Variants in FRMD4B observed in about 807,000 individuals in gnomAD.
FRMD4B encodes the protein FERM domain containing 4B, also known as FERM domain-containing protein 4B.
FRMD4B carries 74 observed loss-of-function variants against 141.5 expected under a neutral mutation model. The observed-to-expected ratio is 0.52, with a 90% CI of 0.43 to 0.63. The LOEUF (loss-of-function observed/expected upper bound fraction) is 0.63. Among genes scored for constraint, FRMD4B ranks in the 30% least tolerant of loss-of-function variants. The pLI is 0.00. For synonymous variants in FRMD4B, 506 were observed against 467.9 expected (o/e 1.08, Z -1.05); for missense variants, 1,366 against 1,253.4 (o/e 1.09, Z -1.36).
At chr3:69,534,794 CA>C (rs1701058513) in intron 1 of FRMD4B, among the ~76,000 whole-genome samples, 1 of 152,202 alleles carries the variant, frequency 6.6e-6, no homozygotes, top group Admixed American at 6.5e-5. Context: ...TTGTTAATTT[CA>C]TTAAATCTCA....
intron 20 of FRMD4B, among the ~76,000 whole-genome samples, chr3:69,182,211 G>A (rs2092715783): frequency 6.6e-6 from 1 of 152,074 alleles, no homozygotes; most frequent in Non-Finnish European, 1.5e-5. Context: ...TGTAAGATGA[G>A]GATGAAAACA....
chr3:69,248,261 A>AC (rs58593229), intron 7 of FRMD4B, among the ~76,000 whole-genome samples: 2 of 151,718 alleles, frequency 1.3e-5, no homozygotes, highest in African/African-American at 4.8e-5. Context: ...ACACACACAC[A>AC]AATATATATA....
At chr3:69,473,313 C>G (rs1447112977) in intron 1 of FRMD4B, among the ~76,000 whole-genome samples, 1 of 152,132 alleles carries the variant, frequency 6.6e-6, no homozygotes, top group East Asian at 1.9e-4. Flanking sequence ...GCTCTGTCCA[C>G]TCTACCAAGT....
At chr3:69,307,417 T>G (rs575821405) in intron 3 of FRMD4B, among the ~76,000 whole-genome samples, 1 of 152,250 alleles carries the variant, frequency 6.6e-6, no homozygotes, top group South Asian at 2.1e-4. Context: ...CTCGGTTCAC[T>G]GCAACCTCCA....
At chr3:69,523,975 C>T (rs2107137659) in intron 1 of FRMD4B, among the ~76,000 whole-genome samples, 1 of 152,264 alleles carries the variant, frequency 6.6e-6, no homozygotes, top group East Asian at 1.9e-4. Flanking sequence ...ATCCTTTGCC[C>T]CAACTAACTG....
At chr3:69,298,572 T>G (rs1390942329) in intron 4 of FRMD4B, among the ~76,000 whole-genome samples, 1 of 152,212 alleles carries the variant, frequency 6.6e-6, no homozygotes, top group Non-Finnish European at 1.5e-5. Flanking sequence ...CTCCCTTTTA[T>G]AGGTTCTCTC....
chr3:69,527,339 G>A (rs953762426), intron 1 of FRMD4B, among the ~76,000 whole-genome samples: 3 of 152,094 alleles, frequency 2.0e-5, no homozygotes, highest in South Asian at 2.1e-4. Context: ...GAGCCCTTCC[G>A]GGGTGGAGCG....
intron 7 of FRMD4B, among the ~76,000 whole-genome samples, chr3:69,239,985 G>A (rs1170940676): frequency 2.6e-5 from 4 of 151,724 alleles, no homozygotes; most frequent in Admixed American, 2.0e-4. Context: ...CCCAAGAGGC[G>A]GAGGTTGCAG....
chr3:69,206,326 G>A (rs879722147), intron 11 of FRMD4B, among the ~76,000 whole-genome samples: 7 of 152,096 alleles, frequency 4.6e-5, no homozygotes, highest in Non-Finnish European at 1.0e-4. Context: ...CTCCAGCCTG[G>A]GCGACAGAGT....
chr3:69,302,403 C>T lies in FRMD4B; in HGVS notation c.356G>A (p.Arg119Gln), dbSNP rs370199811. Reference sequence around the variant, plus strand: ...CTTGGGCAAATCGTGGTCAAGAACTCGGTGATCTAACTGCAGCCAGTTCTG... The same window carrying T: ...CTTGGGCAAATCGTGGTCAAGAACTTGGTGATCTAACTGCAGCCAGTTCTG... ...GQQNWLQLDH[R>Q]VLDHDLPKKP... is the part of the protein sequence containing the mutation. The change falls in exon 4 of 23, where the codon CGA (arginine) becomes CAA (glutamine). Residue 119 changes from arginine (R) to glutamine (Q), a missense_variant. Transcript: ENST00000398540. 8.6e-5 allele frequency: 138 copies of T among 1,607,076 alleles called. No individual in the cohort carries two copies. Among genetic ancestry groups the T allele is most frequent in the Non-Finnish European group, 1.1e-4 (131 of 1,175,862 alleles).
intron 3 of FRMD4B, among the ~76,000 whole-genome samples, chr3:69,309,987 C>T (rs571756118): frequency 1.3e-5 from 2 of 152,230 alleles, no homozygotes; most frequent in East Asian, 1.9e-4. Flanking sequence ...CTATGCATGT[C>T]GGCATTTCCC....
At chr3:69,378,010 G>A (rs1184413864) in intron 1 of FRMD4B, among the ~76,000 whole-genome samples, 3 of 146,594 alleles carry the variant, frequency 2.0e-5, no homozygotes, top group Non-Finnish European at 4.5e-5. Context: ...TAGTAGAGAT[G>A]GGGTTTTGCC....
intron 5 of FRMD4B, among the ~76,000 whole-genome samples, chr3:69,283,975 C>T (rs61532383): frequency 4.1e-5 from 6 of 147,374 alleles, no homozygotes; most frequent in African/African-American, 1.5e-4. Context: ...CAAAACAAAA[C>T]AAAAAAAACA....
chr3:69,195,576 C>T (rs888891399), intron 14 of FRMD4B, among the ~76,000 whole-genome samples: 1 of 152,068 alleles, frequency 6.6e-6, no homozygotes, highest in Non-Finnish European at 1.5e-5. Context: ...CTTTTTGCAT[C>T]CTGGCTCAGT....
At chr3:69,332,567 C>G (rs950416752) in intron 1 of FRMD4B, among the ~76,000 whole-genome samples, 1 of 151,880 alleles carries the variant, frequency 6.6e-6, no homozygotes, top group African/African-American at 2.4e-5. Flanking sequence ...ATGGGAGTTC[C>G]TTTCTTTTCT....
intron 4 of FRMD4B, among the ~76,000 whole-genome samples, chr3:69,291,883 A>G (rs1011827825): frequency 6.8e-6 from 1 of 146,708 alleles, no homozygotes; most frequent in Non-Finnish European, 1.5e-5. Flanking sequence ...CATGCTAGGG[A>G]TAATACAAAG....
At chr3:69,194,874 GAA>G (rs2092882180) in intron 16 of FRMD4B, 146 bp downstream of exon 16, 1 of 619,122 alleles carries the variant, frequency 1.6e-6, no homozygotes, top group South Asian at 3.0e-5. Context: ...GGGCATGAAA[GAA>G]AGAGTTCAAT....
intron 1 of FRMD4B, among the ~76,000 whole-genome samples, chr3:69,332,829 C>T (rs1203077620): frequency 2.1e-5 from 3 of 146,122 alleles, no homozygotes; most frequent in Non-Finnish European, 4.5e-5. Flanking sequence ...CTCCAACAAT[C>T]CTCCCGCCTT....
Position 69,216,314 on chromosome 3 carries a change from G to T in FRMD4B, c.825C>A (p.Ser275Arg), listed in dbSNP as rs1163780325. Residue 275 changes from serine (S) to arginine (R), a missense_variant, in exon 11 of 23, where the codon AGC (serine) becomes AGA (arginine). Transcript: ENST00000398540. The stretch of plus-strand genomic sequence containing the variant: ...TATCATATTGGCCAATTCCCTTATA[G>T]CTTATTCCAAGCCACCAAGGAAGTC... ...KQGLPWWLGI[S>R]YKGIGQYDIQ... The T allele has an allele frequency of 1.9e-6, 3 of 1,578,010 alleles. No homozygotes were observed. In the Admixed American group the frequency reaches 5.3e-5, roughly 28 times the overall value.
Sources: allele counts gnomAD v4.1 joint callset (sites outside exome capture counted in the v4.1 genomes callset), GRCh38; gene constraint gnomAD v4.1.1; transcripts MANE v1.5; gene names NCBI Gene and HGNC (gene_info 2026-07-23, HGNC 2026-07-21).